Variants in TMED5 observed in about 807,000 individuals in gnomAD.
TMED5 encodes the protein transmembrane emp24 domain-containing protein 5.
Under a neutral mutation model 23.0 loss-of-function variants are expected in TMED5, and 27 were observed. The ratio of observed to expected loss-of-function variants is 1.17; its 90% CI spans 0.86 to 1.62. TMED5 has a LOEUF of 1.62. TMED5 is among the 40% of genes most tolerant of loss of function. The probability of loss-of-function intolerance (pLI) is 0.00; values close to 1 mark genes in which losing one functional copy is unlikely to be tolerated. For synonymous variants in TMED5, 97 were observed against 100.8 expected (o/e 0.96, Z 0.23); for missense variants, 248 against 273.7 (o/e 0.91, Z 0.66).
At position 93,153,694 on chromosome 1, in the gene TMED5, A is replaced by C. The variant is rs41286831; in HGVS notation, c.*976T>G. The C allele has an allele frequency of 1.3e-5, 2 of 152,258 alleles. No homozygotes were observed. Among genetic ancestry groups the C allele is most frequent in the Non-Finnish European group, 2.9e-5 (2 of 67,964 alleles). 9.4% of individuals were successfully genotyped at this position (152,258 alleles called of 1,614,324 possible). A position where few individuals can be genotyped will look rare whatever the true frequency, so the allele number is the denominator to read the frequency against. ...CTGTTTCTGATAATTCTTAGAGCTCAGAAAAGGAGATATTTATTTATGGTA... is the reference window on the plus strand; with the variant it reads ...CTGTTTCTGATAATTCTTAGAGCTCCGAAAAGGAGATATTTATTTATGGTA... On this transcript the variant is annotated 3_prime_UTR_variant, in exon 4 of 4. Transcript: ENST00000370282.
At position 93,152,552 on chromosome 1, in the gene TMED5, G is replaced by A. The variant is rs749288544; in HGVS notation, c.*2118C>T. 3.9e-5 allele frequency: 6 copies of A among 152,280 alleles called. No homozygotes were observed. The highest frequency in any genetic ancestry group is 2.1e-4 in the South Asian group (1 of 4,822). The allele number at this position is 152,280 out of a possible 1,614,324, so 9.4% of individuals were successfully genotyped here. On this transcript the variant is annotated 3_prime_UTR_variant, in exon 4 of 4. Coordinates refer to ENST00000370282, the MANE Select transcript of TMED5 (RefSeq NM_016040.5). ...TTCTTTTCCAAATAAAGCAATTATC[G>A]TTTTTATATGGTAAGAAGTTACTGA...
At chr1:93,170,128 G>A (rs1333289011) in intron 1 of TMED5, among the ~76,000 whole-genome samples, 2 of 152,204 alleles carry the variant, frequency 1.3e-5, no homozygotes, top group Non-Finnish European at 2.9e-5. Context: ...GCCCTGGCTC[G>A]CTCTCAGCGC....
intron 3 of TMED5, among the ~76,000 whole-genome samples, chr1:93,155,784 T>A (rs1057256): frequency 0.089 from 13,612 of 152,118 alleles, 2,009 homozygotes; most frequent in African/African-American, 0.31. Flanking sequence ...GGCAAATGAT[T>A]TCATTTTTAA....
intron 3 of TMED5, among the ~76,000 whole-genome samples, chr1:93,155,532 G>GTTTTT (rs547977053): frequency 2.3e-5 from 3 of 130,168 alleles, no homozygotes. Context: ...AATGACTAAG[G>GTTTTT]TTTTTTTTTT....
chr1:93,164,163 G>C (rs949193411), intron 1 of TMED5, among the ~76,000 whole-genome samples: 3 of 152,062 alleles, frequency 2.0e-5, no homozygotes, highest in Non-Finnish European at 2.9e-5. Context: ...GCAATATACA[G>C]ATAACCGAAA....
intron 1 of TMED5, among the ~76,000 whole-genome samples, chr1:93,168,501 G>A (rs1244977821): frequency 6.6e-6 from 1 of 152,228 alleles, no homozygotes; most frequent in Non-Finnish European, 1.5e-5. Flanking sequence ...TAATGTCAGA[G>A]AAAGACGACT....
intron 1 of TMED5, among the ~76,000 whole-genome samples, chr1:93,178,861 TA>T (rs1347217647): frequency 6.6e-6 from 1 of 152,164 alleles, no homozygotes; most frequent in Admixed American, 6.5e-5. Context: ...TACATCAACT[TA>T]AAAAATTAAC....
intron 1 of TMED5, among the ~76,000 whole-genome samples, chr1:93,173,075 G>C (rs1648783627): frequency 6.6e-6 from 1 of 152,114 alleles, no homozygotes; most frequent in African/African-American, 2.4e-5. Context: ...AGAGGGAATA[G>C]GGAGCTGTTG....
chr1:93,156,303 G>T lies in TMED5; in HGVS notation c.468C>A (p.Ile156=), dbSNP rs761648986. ...TTTATTAGAAGACCATACTGACCAG[G>T]ATGTCTTCCAGTTTCATATCCAATA... ...TDILDMKLED[I]LESINSIKSR... is the part of the protein sequence containing the mutation. The change falls in exon 3 of 4, where the codon ATC becomes ATA. Residue 156 remains isoleucine (I), a synonymous_variant. Transcript: ENST00000370282. The T allele has an allele frequency of 6.2e-7, 1 of 1,612,360 alleles. No individual in the cohort carries two copies. The highest frequency in any genetic ancestry group is 8.5e-7 in the Non-Finnish European group (1 of 1,178,624).
In TMED5 at chr1:93,154,696, C is replaced by G; in HGVS notation, c.664G>C (p.Glu222Gln). 6.2e-7 allele frequency: 1 copy of G among 1,613,700 alleles called. No individual in the cohort carries two copies. Among genetic ancestry groups the G allele is most frequent in the South Asian group, 1.1e-5 (1 of 91,070 alleles). Residue 222 changes from glutamate (E) to glutamine (Q), a missense_variant, in exon 4 of 4, where the codon GAA (glutamate) becomes CAA (glutamine). Coordinates refer to ENST00000370282, the MANE Select transcript of TMED5 (RefSeq NM_016040.5). The part of the protein sequence containing the change: ...IQVYMLKSLF[E>Q]DKRKSRT ...TAAGTTCTACTTTTCCTCTTATCTT[C>G]AAACAGACTCTTCAGCATATAAACT...
At chr1:93,155,993 A>G in intron 3 of TMED5, 1 of 1,056,212 alleles carries the variant, frequency 9.5e-7, no homozygotes, top group Middle Eastern at 2.1e-4. Flanking sequence ...TAATCTATTT[A>G]TAATTTAAAA....
intron 1 of TMED5, among the ~76,000 whole-genome samples, chr1:93,171,312 A>G (rs1648724886): frequency 6.6e-6 from 1 of 152,106 alleles, no homozygotes; most frequent in Non-Finnish European, 1.5e-5. Flanking sequence ...CAGAAGGAAC[A>G]AACTCCGGAC....
chr1:93,163,679 A>G (rs1213653608), intron 1 of TMED5, among the ~76,000 whole-genome samples: 1 of 151,256 alleles, frequency 6.6e-6, no homozygotes, highest in African/African-American at 2.4e-5. Flanking sequence ...TAAATACTAA[A>G]AATGCCACAA....
intron 3 of TMED5, among the ~76,000 whole-genome samples, chr1:93,155,542 T>G (rs1176990541): frequency 6.6e-5 from 10 of 151,782 alleles, no homozygotes; most frequent in Admixed American, 2.0e-4. Flanking sequence ...GTTTTTTTTT[T>G]TTTTTTTTTT....
intron 1 of TMED5, chr1:93,160,891 T>C (rs1648252698): frequency 6.7e-6 from 1 of 148,748 alleles, no homozygotes; most frequent in South Asian, 2.2e-4. Flanking sequence ...GTATATAACT[T>C]TTTTGTTTCC....
intron 1 of TMED5, among the ~76,000 whole-genome samples, chr1:93,177,439 G>A (rs1648954938): frequency 1.3e-5 from 2 of 151,876 alleles, no homozygotes; most frequent in African/African-American, 2.4e-5. Context: ...TTAGCTGGGT[G>A]TGGTGGCACA....
At chr1:93,163,345 ACT>A (rs1491169535) in intron 1 of TMED5, 1 of 146,278 alleles carries the variant, frequency 6.8e-6, no homozygotes, top group African/African-American at 2.5e-5. Flanking sequence ...CATAAAATAT[ACT>A]TTTTTTTTTT....
chr1:93,169,882 T>TACACACACACACACACACAC (rs59467244), intron 1 of TMED5, among the ~76,000 whole-genome samples: 30 of 130,602 alleles, frequency 2.3e-4, no homozygotes, highest in East Asian at 1.5e-3. Context: ...ACCCTGTCTG[T>TACACACACACACACACACAC]ACACACACAC....
intron 2 of TMED5, among the ~76,000 whole-genome samples, chr1:93,157,226 C>T (rs569186785): frequency 6.6e-6 from 1 of 152,110 alleles, no homozygotes; most frequent in Non-Finnish European, 1.5e-5. Context: ...ACTGATTTTG[C>T]CTATTAACTG....
Sources: gnomAD v4.1 joint callset for allele counts (sites outside exome capture counted in the v4.1 genomes callset) on GRCh38, gnomAD v4.1.1 for gene constraint, MANE v1.5 for transcripts, NCBI Gene and HGNC (gene_info 2026-07-23, HGNC 2026-07-21) for gene names.